The following LCTL variants were observed in gnomAD, a reference collection of about 807,000 sequenced individuals.
LCTL encodes lactase like.
Under a neutral mutation model 75.8 loss-of-function variants are expected in LCTL, and 76 were observed. The observed-to-expected ratio is 1.00, with a 90% CI of 0.83 to 1.21. The LOEUF (loss-of-function observed/expected upper bound fraction) is 1.21. Ranked by LOEUF, LCTL falls within the 50% of genes most tolerant of loss-of-function variation. LCTL has a pLI of 0.00. For synonymous variants in LCTL, 271 were observed against 268.8 expected (o/e 1.01, Z -0.08); for missense variants, 670 against 712.4 (o/e 0.94, Z 0.68).
exon 13 of LCTL, chr15:66,548,507 G>A: frequency 6.2e-7 from 1 of 1,602,312 alleles, no homozygotes; most frequent in Non-Finnish European, 8.5e-7. Context: ...TGCCTCCTCA[G>A]GAGGAGCATT....
At chr15:66,555,936 ACAAAT>A (rs1473144337) in intron 8 of LCTL, among the ~76,000 whole-genome samples, 4 of 152,224 alleles carry the variant, frequency 2.6e-5, no homozygotes, top group East Asian at 1.9e-4. Flanking sequence ...TTAGGGAAAC[ACAAAT>A]CAAAACTGCA....
chr15:66,549,320 G>A (rs1223990516), intron 12 of LCTL: 2 of 152,060 alleles, frequency 1.3e-5, no homozygotes, highest in African/African-American at 4.8e-5. Context: ...TTTGTTGAGG[G>A]GGATTGCATG....
At chr15:66,561,591 G>A (rs1895890901) in intron 4 of LCTL, among the ~76,000 whole-genome samples, 1 of 152,230 alleles carries the variant, frequency 6.6e-6, no homozygotes, top group Admixed American at 6.5e-5. Context: ...GGGCCACACA[G>A]ATGTCAGAAA....
intron 2 of LCTL, 170 bp downstream of exon 3, chr15:66,564,506 A>G (rs763819433): frequency 1.7e-4 from 125 of 716,618 alleles, no homozygotes; most frequent in Non-Finnish European, 2.1e-4. Context: ...CTTCACCCCC[A>G]CTGGCCCTGC....
At chr15:66,555,070 A>G (rs1229712938) in intron 8 of LCTL, among the ~76,000 whole-genome samples, 1 of 152,230 alleles carries the variant, frequency 6.6e-6, no homozygotes, top group Non-Finnish European at 1.5e-5. Flanking sequence ...GAATAGTTCC[A>G]AAGAGGATAA....
chr15:66,548,210 G>C lies in LCTL; in HGVS notation c.*280C>G, dbSNP rs929231533. 1.7e-5 allele frequency: 4 copies of C among 237,004 alleles called. No individual in the cohort carries two copies. In the Admixed American group the frequency reaches 2.0e-4, roughly 12 times the overall value. The allele number at this position is 237,004 out of a possible 1,614,324, so 14.7% of individuals were successfully genotyped here. A position where few individuals can be genotyped will look rare whatever the true frequency, so the allele number is the denominator to read the frequency against. ...CAAGTCACAACAGTTTGTATACTAT[G>C]ATGCCATTTTTGTAAATAATTCATA... On this transcript the variant is annotated 3_prime_UTR_variant, in exon 13 of 13. Transcript: ENST00000341509.
chr15:66,558,722 G>C (rs1895806181), intron 6 of LCTL, among the ~76,000 whole-genome samples: 1 of 137,722 alleles, frequency 7.3e-6, no homozygotes, highest in Non-Finnish European at 1.5e-5. Context: ...TTGAGATGGA[G>C]TCTCGCTCTG....
chr15:66,551,345 CAA>C (rs67322943), intron 11 of LCTL, among the ~76,000 whole-genome samples: 6,969 of 49,490 alleles, frequency 0.14, 64 homozygotes, highest in Non-Finnish European at 0.19. Flanking sequence ...GATTCTGTCT[CAA>C]AAAAAAAAAA....
chr15:66,555,855 C>A (rs1895727926), intron 8 of LCTL, among the ~76,000 whole-genome samples: 1 of 152,142 alleles, frequency 6.6e-6, no homozygotes, highest in Non-Finnish European at 1.5e-5. Flanking sequence ...GGGCAAAGAA[C>A]TTGAATTGGC....
chr15:66,557,692 A>G (rs1895770688), intron 8 of LCTL, 30 bp downstream of exon 9: 2 of 1,602,174 alleles, frequency 1.2e-6, no homozygotes, highest in Admixed American at 1.7e-5. Flanking sequence ...TTGCCCTAGT[A>G]TCTGCAGTTT....
At chr15:66,551,975 TTGTG>T in intron 10 of LCTL, 64 bp downstream of exon 11, 1 of 1,568,404 alleles carries the variant, frequency 6.4e-7, no homozygotes, top group Non-Finnish European at 8.6e-7. Context: ...TTTCAGTTGA[TTGTG>T]TGTTAATCAC....
At chr15:66,565,479 G>C (rs1054234045) in exon 1 of LCTL, 3 of 651,088 alleles carry the variant, frequency 4.6e-6, no homozygotes, top group Non-Finnish European at 8.0e-6. Context: ...GAGAGGAAGG[G>C]AAAGGAAGGC....
At chr15:66,552,667 CA>C (rs752480803) in intron 9 of LCTL, among the ~76,000 whole-genome samples, 1,782 of 53,038 alleles carry the variant, frequency 0.034, 22 homozygotes, top group African/African-American at 0.046. Context: ...GAGACTGTCT[CA>C]AAAAAAAAAA....
chr15:66,554,820 A>C (rs1895703005), intron 8 of LCTL, among the ~76,000 whole-genome samples: 1 of 152,220 alleles, frequency 6.6e-6, no homozygotes, highest in Admixed American at 6.5e-5. Context: ...CAGTGAAAAA[A>C]AAAGCTTCAG....
intron 9 of LCTL, among the ~76,000 whole-genome samples, chr15:66,552,701 G>GGGACAT (rs1895639302): frequency 6.6e-6 from 1 of 151,208 alleles, no homozygotes; most frequent in Non-Finnish European, 1.5e-5. Flanking sequence ...ATTGTTGGAG[G>GGGACAT]GGACATGTAC....
chr15:66,559,314 TCA>T (rs1457487516), intron 6 of LCTL, among the ~76,000 whole-genome samples: 1 of 152,260 alleles, frequency 6.6e-6, no homozygotes, highest in Non-Finnish European at 1.5e-5. Flanking sequence ...CCTGTATTTA[TCA>T]GACTTCTTTC....
At chr15:66,553,188 G>A in exon 9 of LCTL, 1 of 1,610,000 alleles carries the variant, frequency 6.2e-7, no homozygotes, top group Non-Finnish European at 8.5e-7. Flanking sequence ...TGCCTTTAAT[G>A]TAGCTCTTCT....
At chr15:66,553,216 G>C in exon 9 of LCTL, 1 of 1,601,772 alleles carries the variant, frequency 6.2e-7, no homozygotes, top group Non-Finnish European at 8.5e-7. Flanking sequence ...TGAGAACACC[G>C]GTAACCTCGA....
Position 66,553,196 on chromosome 15 carries a change from TCTC to T in LCTL, c.982_984del (p.Glu328del), listed in dbSNP as rs777489445. Reference sequence around the variant, plus strand: ...TCGGATGTGCCTTTAATGTAGCTCTTCTCCTGGAGTGAGAACACCGGTAACCTC... The same window carrying T: ...TCGGATGTGCCTTTAATGTAGCTCTTCTGGAGTGAGAACACCGGTAACCTC... On this transcript the variant is annotated inframe_deletion, in exon 9 of 13. Transcript: ENST00000341509. 6 of 1,608,250 alleles carry T rather than the reference TCTC, an allele frequency of 3.7e-6. No homozygotes were observed. The African/African-American group carries it at 4.0e-5, about 11-fold the overall frequency.
Sources: allele counts gnomAD v4.1 joint callset (sites outside exome capture counted in the v4.1 genomes callset), GRCh38; gene constraint gnomAD v4.1.1; transcripts MANE v1.5; gene names NCBI Gene and HGNC (gene_info 2026-07-23, HGNC 2026-07-21).